ART3: variants seen among roughly 807,000 people sequenced by gnomAD.
The protein encoded by ART3 is ADP-ribosyltransferase 3 (inactive).
ART3 carries 49 observed loss-of-function variants against 48.5 expected under a neutral mutation model. That is an observed-to-expected ratio of 1.01 (90% CI 0.80 to 1.28). ART3 has a LOEUF of 1.28. Among genes scored for constraint, ART3 ranks in the 50% most tolerant of loss-of-function variants. ART3 has a pLI of 0.00. For synonymous variants in ART3, 145 were observed against 157.2 expected (o/e 0.92, Z 0.58); for missense variants, 438 against 454.3 (o/e 0.96, Z 0.33).
At chr4:76,036,026 A>C in intron 1 of ART3, 1 of 1,595,190 alleles carries the variant, frequency 6.3e-7, no homozygotes, top group African/African-American at 1.3e-5. Context: ...TGCTGCTGCT[A>C]CTTCAGCTTT....
intron 1 of ART3, among the ~76,000 whole-genome samples, chr4:76,019,972 G>C (rs1732631397): frequency 6.6e-6 from 1 of 152,066 alleles, no homozygotes; most frequent in African/African-American, 2.4e-5. Context: ...AACTTAAAAA[G>C]TTTTGCCAGT....
At chr4:76,047,704 G>A (rs1003706700) in intron 1 of ART3, among the ~76,000 whole-genome samples, 2 of 151,966 alleles carry the variant, frequency 1.3e-5, no homozygotes, top group African/African-American at 2.4e-5. Flanking sequence ...TAGGGAATTT[G>A]TCCCTTTCTT....
At chr4:76,016,061 T>C (rs1187211108) in intron 1 of ART3, among the ~76,000 whole-genome samples, 1 of 152,232 alleles carries the variant, frequency 6.6e-6, no homozygotes, top group Non-Finnish European at 1.5e-5. Flanking sequence ...ATACTGGCCT[T>C]ATAGAATGAG....
rs1351189987 is a variant in ART3, at chr4:76,061,647, C to T, written c.-9-14234C>T. ...GATCTGATTCCTCTTTCCTCCCCAA[C>T]TTTTTAACTCTTTGTGTTCCATAAA... On this transcript the variant is annotated intron_variant, in intron 1 of 9. Transcript: ENST00000341029. Among the ~76,000 whole-genome samples the T allele has an allele frequency of 2.0e-5, 3 of 152,214 alleles. No individual in the cohort carries two copies. In the East Asian group the frequency reaches 5.8e-4, roughly 29 times the overall value.
chr4:76,047,737 T>C (rs1157529193), intron 1 of ART3, among the ~76,000 whole-genome samples: 1 of 151,938 alleles, frequency 6.6e-6, no homozygotes, highest in Non-Finnish European at 1.5e-5. Context: ...CATCATTTAC[T>C]TGACTAAGAT....
chr4:76,093,865 T>C (rs1725450769), intron 3 of ART3, among the ~76,000 whole-genome samples: 1 of 152,334 alleles, frequency 6.6e-6, no homozygotes, highest in Middle Eastern at 3.4e-3. Context: ...TTAGTAGTAA[T>C]GACATACACT....
intron 1 of ART3, chr4:76,035,334 T>C (rs781144824): frequency 3.1e-6 from 5 of 1,613,940 alleles, no homozygotes; most frequent in East Asian, 4.5e-5. Context: ...CTTTTGAACA[T>C]GGGGAAGCCT....
intron 1 of ART3, among the ~76,000 whole-genome samples, chr4:76,013,035 A>C (rs1731941061): frequency 6.6e-6 from 1 of 152,196 alleles, no homozygotes; most frequent in Non-Finnish European, 1.5e-5. Context: ...GAGAGTTCAC[A>C]GTTCAGTGGG....
intron 1 of ART3, among the ~76,000 whole-genome samples, chr4:76,061,094 A>G (rs1331123235): frequency 6.6e-6 from 1 of 152,214 alleles, no homozygotes; most frequent in Non-Finnish European, 1.5e-5. Flanking sequence ...ACAGTAACAA[A>G]CTATTGCAGC....
intron 1 of ART3, chr4:76,041,442 G>A (rs1159492240): frequency 1.3e-5 from 2 of 151,864 alleles, no homozygotes; most frequent in Non-Finnish European, 2.9e-5. Flanking sequence ...TTATATCGTG[G>A]TATCTTCTTG....
At chr4:76,086,161 A>G (rs1723530196) in intron 3 of ART3, among the ~76,000 whole-genome samples, 1 of 151,832 alleles carries the variant, frequency 6.6e-6, no homozygotes, top group South Asian at 2.1e-4. Flanking sequence ...ACCGCCTCAT[A>G]AAGATATCTG....
intron 4 of ART3, among the ~76,000 whole-genome samples, chr4:76,098,219 C>A (rs1024985472): frequency 1.4e-5 from 2 of 147,272 alleles, no homozygotes; most frequent in Admixed American, 6.8e-5. Flanking sequence ...AAAAAAAAAT[C>A]TTTCTTAGAG....
chr4:76,082,190 C>A lies in ART3; in HGVS notation c.436C>A (p.Leu146Met), dbSNP rs755729309. 4.3e-6 allele frequency: 7 copies of A among 1,614,038 alleles called. No homozygotes were observed. Among genetic ancestry groups the A allele is most frequent in the Non-Finnish European group, 8.5e-7 (1 of 1,180,038 alleles). Reference protein sequence around the residue: ...KAFHFYLTRALQLLRKPCEAS... With the variant: ...KAFHFYLTRAMQLLRKPCEAS... Reference sequence around the variant, plus strand: ...TTTCCACTTTTACCTCACAAGAGCCCTGCAGTTGCTGAGAAAACCTTGTGA... The same window carrying A: ...TTTCCACTTTTACCTCACAAGAGCCATGCAGTTGCTGAGAAAACCTTGTGA... The change falls in exon 3 of 12, where the codon CTG becomes ATG. Residue 146 changes from leucine (L) to methionine (M), a missense_variant. Physicochemically the swap from Leu to Met is conservative, Grantham distance 15. Coordinates refer to ENST00000355810, the MANE Select transcript of ART3 (RefSeq NM_001130016.3).
At chr4:76,043,301 T>G (rs1735158054) in intron 1 of ART3, among the ~76,000 whole-genome samples, 1 of 151,984 alleles carries the variant, frequency 6.6e-6, no homozygotes, top group South Asian at 2.1e-4. Flanking sequence ...CCCACACTCC[T>G]CAGCCCTTGG....
chr4:76,078,034 A>G (rs1056453682), intron 2 of ART3, among the ~76,000 whole-genome samples: 5 of 148,526 alleles, frequency 3.4e-5, no homozygotes, highest in Non-Finnish European at 6.0e-5. Flanking sequence ...GGTCATTTCC[A>G]TATTTTTGTA....
At chr4:76,103,195 G>C (rs183300567) in intron 8 of ART3, among the ~76,000 whole-genome samples, 58 of 152,216 alleles carry the variant, frequency 3.8e-4, no homozygotes, top group African/African-American at 1.4e-3. Flanking sequence ...TACATGGTTA[G>C]GAGACGATAA....
intron 3 of ART3, among the ~76,000 whole-genome samples, chr4:76,088,796 G>T (rs900726059): frequency 6.6e-6 from 1 of 152,078 alleles, no homozygotes; most frequent in Non-Finnish European, 1.5e-5. Context: ...TCACCAGGCT[G>T]CCAAGGAATA....
intron 1 of ART3, among the ~76,000 whole-genome samples, chr4:76,040,437 T>A (rs1407540222): frequency 2.3e-5 from 2 of 88,482 alleles, no homozygotes; most frequent in Non-Finnish European, 4.5e-5. Flanking sequence ...ATACACTGGA[T>A]ACACACACAC....
intron 1 of ART3, among the ~76,000 whole-genome samples, chr4:76,049,397 G>A (rs376986212): frequency 4.0e-5 from 6 of 151,828 alleles, no homozygotes; most frequent in South Asian, 2.1e-4. Context: ...GCTCATGGCC[G>A]CAGGGTCAGC....
Sources: gnomAD v4.1 joint callset for allele counts (sites outside exome capture counted in the v4.1 genomes callset) on GRCh38, gnomAD v4.1.1 for gene constraint, MANE v1.5 for transcripts, NCBI Gene and HGNC (gene_info 2026-07-23, HGNC 2026-07-21) for gene names.